UTRN: variants seen among roughly 807,000 people sequenced by gnomAD.
The protein encoded by UTRN is dystrophin-related protein 1.
In UTRN, 283 loss-of-function variants were observed where a neutral mutation model predicts 463.9. The ratio of observed to expected loss-of-function variants is 0.61; its 90% CI spans 0.55 to 0.67. The LOEUF is 0.67. UTRN is among the 30% of genes least tolerant of loss of function. UTRN has a pLI of 0.00. For synonymous variants in UTRN, 1,442 were observed against 1,431.5 expected, an observed-to-expected ratio of 1.01 and a Z score of -0.17; for missense variants, 3,922 against 4,084.3, an observed-to-expected ratio of 0.96 and a Z score of 1.08.
Position 144,451,067 on chromosome 6 carries a change from G to C in UTRN, c.2073-303G>C, listed in dbSNP as rs190299022. On this transcript the variant is annotated intron_variant, in intron 17 of 74. Coordinates refer to ENST00000367545, the MANE Select transcript of UTRN (RefSeq NM_007124.3). ...GCGGAGGTTGCAGTGAGCCGAGATC[G>C]TGCCATTGCACTCAAGCCTGGGTGA... Among the ~76,000 whole-genome samples the C allele has an allele frequency of 5.0e-3, 767 of 152,286 alleles. 3 individuals are homozygous for C. Among genetic ancestry groups the C allele is most frequent in the Middle Eastern group, 0.01 (3 of 294 alleles).
chr6:144,682,015 A>G (rs373657026), intron 52 of UTRN, among the ~76,000 whole-genome samples: 1 of 152,142 alleles, frequency 6.6e-6, no homozygotes, highest in Non-Finnish European at 1.5e-5. Flanking sequence ...TAGTTATTTT[A>G]AAATGTACAA....
At chr6:144,349,900 C>A (rs1005535366) in intron 2 of UTRN, among the ~76,000 whole-genome samples, 1 of 152,178 alleles carries the variant, frequency 6.6e-6, no homozygotes. Flanking sequence ...CTCGCTCCTG[C>A]TCCAGTATTT....
At chr6:144,362,033 G>T (rs1357160487) in intron 2 of UTRN, among the ~76,000 whole-genome samples, 1 of 151,820 alleles carries the variant, frequency 6.6e-6, no homozygotes, top group African/African-American at 2.4e-5. Flanking sequence ...CATAATAATG[G>T]CAACAACAAC....
chr6:144,338,894 T>A (rs1231060208), intron 2 of UTRN, among the ~76,000 whole-genome samples: 1 of 152,240 alleles, frequency 6.6e-6, no homozygotes, highest in Non-Finnish European at 1.5e-5. Flanking sequence ...TCATTTGGTG[T>A]TGAAGCCTGA....
In UTRN at chr6:144,505,771, A is replaced by G. The variant is rs1794642094; in HGVS notation, c.4765-5173A>G. Among the ~76,000 whole-genome samples, 4 of 152,298 alleles carry G rather than the reference A, an allele frequency of 2.6e-5. No individual in the cohort carries two copies. The South Asian group carries it at 8.3e-4, about 32-fold the overall frequency. On this transcript the variant is annotated intron_variant, in intron 34 of 74. Transcript: ENST00000367545. ...AGTTCTGTATATGTCTACTAGGTCC[A>G]CTTGGTCCAGAGCTGAGTTCAAGTC... is the stretch of plus-strand genomic sequence containing the variant.
intron 12 of UTRN, among the ~76,000 whole-genome samples, chr6:144,439,804 A>G (rs2114899287): frequency 6.6e-6 from 1 of 152,260 alleles, no homozygotes; most frequent in East Asian, 1.9e-4. Context: ...TGCCCAGCCT[A>G]TAAATTTTCT....
At chr6:144,685,294 G>A (rs939884711) in intron 52 of UTRN, among the ~76,000 whole-genome samples, 3 of 152,192 alleles carry the variant, frequency 2.0e-5, no homozygotes, top group African/African-American at 7.2e-5. Context: ...GGACACTTAA[G>A]TTGGTTCCAA....
chr6:144,517,380 T>A (rs796813945), intron 39 of UTRN, among the ~76,000 whole-genome samples: 5 of 151,580 alleles, frequency 3.3e-5, no homozygotes, highest in African/African-American at 9.7e-5. Context: ...TTTTTTTTTT[T>A]AAAGATGGGG....
chr6:144,473,060 C>T (rs1351235371), intron 23 of UTRN, among the ~76,000 whole-genome samples: 1 of 152,178 alleles, frequency 6.6e-6, no homozygotes, highest in Non-Finnish European at 1.5e-5. Context: ...GCCACCGTAC[C>T]TGGCCCTTAT....
At chr6:144,346,906 C>CATCT (rs60149713) in intron 2 of UTRN, among the ~76,000 whole-genome samples, 1 of 141,014 alleles carries the variant, frequency 7.1e-6, no homozygotes, top group South Asian at 2.1e-4. Context: ...ATCTATCTAT[C>CATCT]ATCTATCTAT....
intron 22 of UTRN, among the ~76,000 whole-genome samples, chr6:144,461,905 T>C (rs544523593): frequency 6.6e-6 from 1 of 152,348 alleles, no homozygotes; most frequent in African/African-American, 2.4e-5. Flanking sequence ...TGTTTTGTTT[T>C]GTTTTTTGAT....
intron 66 of UTRN, among the ~76,000 whole-genome samples, chr6:144,823,176 G>T (rs2128753934): frequency 1.3e-5 from 2 of 152,066 alleles, no homozygotes; most frequent in Middle Eastern, 3.4e-3. Context: ...CATTTTTTGT[G>T]AGAGGAAAAC....
At chr6:144,492,765 G>T (rs904522370) in intron 32 of UTRN, among the ~76,000 whole-genome samples, 7 of 152,090 alleles carry the variant, frequency 4.6e-5, no homozygotes, top group Admixed American at 4.6e-4. Context: ...TCAGAAATCT[G>T]TTTACTTATA....
chr6:144,411,484 C>G (rs1477607598), intron 3 of UTRN, among the ~76,000 whole-genome samples: 5 of 152,156 alleles, frequency 3.3e-5, no homozygotes, highest in Non-Finnish European at 7.3e-5. Context: ...GCCCCTGCCT[C>G]TGGCCGCCAG....
At chr6:144,552,296 T>G (rs775090584) in intron 48 of UTRN, among the ~76,000 whole-genome samples, 1 of 152,198 alleles carries the variant, frequency 6.6e-6, no homozygotes, top group Non-Finnish European at 1.5e-5. Flanking sequence ...TGTTGGCTTA[T>G]TTTTACTAAA....
chr6:144,772,273 A>G (rs1311495040), intron 59 of UTRN, among the ~76,000 whole-genome samples: 1 of 151,842 alleles, frequency 6.6e-6, no homozygotes, highest in Non-Finnish European at 1.5e-5. Context: ...AGCTCAGGCA[A>G]TCCACCCGCC....
intron 59 of UTRN, among the ~76,000 whole-genome samples, chr6:144,774,073 AT>A (rs1775089172): frequency 6.6e-6 from 1 of 152,068 alleles, no homozygotes; most frequent in Admixed American, 6.5e-5. Flanking sequence ...CTTTCTTAGA[AT>A]TTTCTCTGTA....
chr6:144,734,061 A>G (rs1789077740), intron 54 of UTRN, among the ~76,000 whole-genome samples: 1 of 152,182 alleles, frequency 6.6e-6, no homozygotes, highest in African/African-American at 2.4e-5. Context: ...GACTTCATAT[A>G]CAACCTATTA....
chr6:144,668,858 T>G (rs915231918), intron 51 of UTRN, among the ~76,000 whole-genome samples: 1 of 152,204 alleles, frequency 6.6e-6, no homozygotes, highest in Non-Finnish European at 1.5e-5. Context: ...AAAGAAAAGC[T>G]TCAGAGTAGA....
Sources: allele counts gnomAD v4.1 joint callset (sites outside exome capture counted in the v4.1 genomes callset), GRCh38; gene constraint gnomAD v4.1.1; transcripts MANE v1.5; gene names NCBI Gene and HGNC (gene_info 2026-07-23, HGNC 2026-07-21).